Variants in HSPA4 observed in about 807,000 individuals in gnomAD.
HSPA4 encodes heat shock 70 kDa protein 4.
In HSPA4, 25 loss-of-function variants were observed where a neutral mutation model predicts 106.2. The ratio of observed to expected loss-of-function variants is 0.24; its 90% CI spans 0.17 to 0.33. The LOEUF (loss-of-function observed/expected upper bound fraction) is 0.33. Among genes scored for constraint, HSPA4 ranks in the 10% least tolerant of loss-of-function variants. The pLI, the probability that HSPA4 is intolerant of heterozygous loss-of-function variation, is 1.00. For synonymous variants in HSPA4, 332 were observed against 333.6 expected (o/e 1.00, Z 0.05); for missense variants, 841 against 996.0 (o/e 0.84, Z 2.10).
intron 17 of HSPA4, among the ~76,000 whole-genome samples, chr5:133,102,906 G>C (rs910090846): frequency 1.2e-4 from 8 of 67,580 alleles, no homozygotes; most frequent in African/African-American, 1.8e-4. Context: ...CACCCAACTA[G>C]GGTTGTCTTT....
intron 17 of HSPA4, 94 bp from the exon 18 acceptor site, chr5:133,103,771 A>G (rs541463904): frequency 3.7e-5 from 37 of 1,000,228 alleles, no homozygotes; most frequent in Middle Eastern, 2.1e-4. Flanking sequence ...TTGAAAGATT[A>G]TAAGTTTTTG....
Position 133,089,712 on chromosome 5 carries a change from A to C in HSPA4, c.1378+17A>C. 1 of 1,506,930 alleles carries C rather than the reference A, an allele frequency of 6.6e-7. No individual in the cohort carries two copies. The allele number at this position is 1,506,930 out of a possible 1,614,324, so 93.3% of individuals were successfully genotyped here. On this transcript the variant is annotated intron_variant, in intron 11 of 18. Coordinates refer to ENST00000304858, the MANE Select transcript of HSPA4 (RefSeq NM_002154.4). ...CTGCTATAGGTAAGTAAAGAGTTGGAAATTAAAAAAGAAAAAAAAAAAAAA... is the reference window on the plus strand; with the variant it reads ...CTGCTATAGGTAAGTAAAGAGTTGGCAATTAAAAAAGAAAAAAAAAAAAAA...
At chr5:133,052,390 G>A (rs1451647711) in intron 1 of HSPA4, 33 bp downstream of exon 1, 2 of 1,338,676 alleles carry the variant, frequency 1.5e-6, no homozygotes, top group Non-Finnish European at 2.0e-6. Flanking sequence ...GCGTGCACTG[G>A]GGTTAGGAGA....
At position 133,065,048 on chromosome 5, in the gene HSPA4, AT is replaced by A. The variant is rs770673981; in HGVS notation, c.165+18del. ...GCAGCTAAAAGCCAGGTAAAGTTTC[AT>A]TTTTTTCCTAAAATGACTTATTTCT... On this transcript the variant is annotated intron_variant, in intron 2 of 18. Coordinates refer to ENST00000304858, the MANE Select transcript of HSPA4 (RefSeq NM_002154.4). The A allele has an allele frequency of 3.7e-6, 6 of 1,611,638 alleles. No homozygotes were observed. Among genetic ancestry groups the A allele is most frequent in the Non-Finnish European group, 5.1e-6 (6 of 1,178,118 alleles).
chr5:133,083,762 C>T lies in HSPA4; in HGVS notation c.909-3020C>T, dbSNP rs970306995. On this transcript the variant is annotated intron_variant, in intron 7 of 18. Transcript: ENST00000304858. The stretch of plus-strand genomic sequence containing the variant: ...GTGTTGGTCAGGCTGGTCTTGAACT[C>T]CCAGCCTCAGGTGATCCGCCCGCCT... Among the ~76,000 whole-genome samples, 5 of 152,260 alleles carry T rather than the reference C, an allele frequency of 3.3e-5. No homozygotes were observed. The East Asian group carries it at 9.7e-4, about 29-fold the overall frequency.
chr5:133,081,970 T>C (rs1765519046), intron 7 of HSPA4, among the ~76,000 whole-genome samples: 1 of 152,198 alleles, frequency 6.6e-6, no homozygotes, highest in Non-Finnish European at 1.5e-5. Context: ...GAAAAACTCA[T>C]ATGTGAATGT....
chr5:133,081,355 T>C lies in HSPA4; in HGVS notation c.908+4457T>C, dbSNP rs117014723. 5.1e-4 allele frequency among the ~76,000 whole-genome samples: 77 copies of C among 152,324 alleles called. No individual in the cohort carries two copies. In the East Asian group the frequency reaches 0.01, roughly 21 times the overall value. On this transcript the variant is annotated intron_variant, in intron 7 of 18. Transcript: ENST00000304858. ...GAGTCCCTCTTTTGTTTTTGTGAAA[T>C]ATTTTAAAAATGTGGCTTAACTTTC... is the stretch of plus-strand genomic sequence containing the variant.
At chr5:133,058,841 A>G (rs946589261) in intron 1 of HSPA4, among the ~76,000 whole-genome samples, 5 of 151,894 alleles carry the variant, frequency 3.3e-5, no homozygotes, top group Non-Finnish European at 7.4e-5. Flanking sequence ...AAAAGTACAA[A>G]AATTGGCCGG....
chr5:133,074,253 G>A, intron 6 of HSPA4, 127 bp downstream of exon 6: 1 of 495,274 alleles, frequency 2.0e-6, no homozygotes, highest in Non-Finnish European at 3.4e-6. Context: ...TTATTCAGAG[G>A]ATTTTTTTTC....
At chr5:133,101,245 TC>T (rs1765781456) in intron 16 of HSPA4, among the ~76,000 whole-genome samples, 1 of 152,206 alleles carries the variant, frequency 6.6e-6, no homozygotes. Flanking sequence ...TAGTTCTTCT[TC>T]CGTTATTTCC....
At position 133,091,319 on chromosome 5, in the gene HSPA4, A is replaced by G. The variant is rs950127013; in HGVS notation, c.1505A>G (p.Lys502Arg). 1 of 1,613,958 alleles carries G rather than the reference A, an allele frequency of 6.2e-7. No homozygotes were observed. Among genetic ancestry groups the G allele is most frequent in the African/African-American group, 1.3e-5 (1 of 74,922 alleles). ...VSSASLVEVH[K>R]SEENEEPMET... ...AGTGCATCTTTAGTGGAGGTTCACA[A>G]GTCTGAGGAAAATGAGGAGCCAATG... The change falls in exon 12 of 19, where the codon AAG (lysine) becomes AGG (arginine). Residue 502 changes from lysine (K) to arginine (R), a missense_variant. Lys to Arg is a conservative substitution (Grantham distance 26, BLOSUM62 2). Transcript: ENST00000304858.
chr5:133,056,953 T>C (rs770711509), intron 1 of HSPA4, among the ~76,000 whole-genome samples: 2 of 152,336 alleles, frequency 1.3e-5, no homozygotes, highest in Non-Finnish European at 2.9e-5. Flanking sequence ...AAGTATTTGC[T>C]AATAATACTA....
chr5:133,062,809 G>A (rs1325412446), intron 1 of HSPA4, among the ~76,000 whole-genome samples: 1 of 152,128 alleles, frequency 6.6e-6, no homozygotes, highest in African/African-American at 2.4e-5. Flanking sequence ...TGGGAGATTG[G>A]CTTACAGGGG....
intron 12 of HSPA4, among the ~76,000 whole-genome samples, chr5:133,091,714 G>C (rs1296380369): frequency 2.0e-5 from 3 of 152,080 alleles, no homozygotes; most frequent in Admixed American, 1.3e-4. Context: ...TATGCACTGG[G>C]TCTTGTCTTC....
intron 11 of HSPA4, among the ~76,000 whole-genome samples, chr5:133,090,511 T>C (rs1008383654): frequency 1.3e-5 from 2 of 150,694 alleles, no homozygotes; most frequent in African/African-American, 4.9e-5. Context: ...ACATACTAGG[T>C]TTCAGAACCG....
chr5:133,052,966 A>G (rs755808978), intron 1 of HSPA4: 1 of 152,288 alleles, frequency 6.6e-6, no homozygotes, highest in Non-Finnish European at 1.5e-5. Context: ...CGGTGCTCTT[A>G]TGATAACTTT....
intron 6 of HSPA4, among the ~76,000 whole-genome samples, chr5:133,075,114 T>C (rs1025419105): frequency 6.6e-6 from 1 of 152,198 alleles, no homozygotes; most frequent in Non-Finnish European, 1.5e-5. Context: ...CTTTATTTTC[T>C]GGTTTTATAT....
intron 7 of HSPA4, among the ~76,000 whole-genome samples, chr5:133,078,885 C>T (rs1267805741): frequency 6.6e-6 from 1 of 151,944 alleles, no homozygotes. Flanking sequence ...AGGCACGTGC[C>T]ACCACGCCTG....
At chr5:133,070,639 C>T (rs1200149123) in intron 4 of HSPA4, 143 bp downstream of exon 4, 31 of 923,418 alleles carry the variant, frequency 3.4e-5, no homozygotes, top group Admixed American at 7.8e-5. Flanking sequence ...CAGTGGCTCA[C>T]GCCTGTAATC....
Sources: gnomAD v4.1 joint callset for allele counts (sites outside exome capture counted in the v4.1 genomes callset) on GRCh38, gnomAD v4.1.1 for gene constraint, MANE v1.5 for transcripts, NCBI Gene and HGNC (gene_info 2026-07-23, HGNC 2026-07-21) for gene names.